The following KHDRBS2 variants were observed in gnomAD, a reference collection of about 807,000 sequenced individuals.
KHDRBS2 encodes the protein KH domain-containing, RNA-binding, signal transduction-associated protein 2.
KHDRBS2 carries 26 observed loss-of-function variants against 44.3 expected under a neutral mutation model. That is an observed-to-expected ratio of 0.59 (90% CI 0.43 to 0.81). The LOEUF (loss-of-function observed/expected upper bound fraction) is 0.81. Ranked by LOEUF, KHDRBS2 falls within the 40% of genes least tolerant of loss-of-function variation. The pLI is 0.00. For synonymous variants in KHDRBS2, 194 were observed against 151.1 expected (o/e 1.28, Z -2.08); for missense variants, 476 against 433.1 (o/e 1.10, Z -0.88).
At chr6:61,963,480 G>A (rs1769215837) in intron 4 of KHDRBS2, among the ~76,000 whole-genome samples, 1 of 152,044 alleles carries the variant, frequency 6.6e-6, no homozygotes. Flanking sequence ...GATTGAAAAA[G>A]TTTAGCTTCT....
chr6:61,809,774 G>A (rs1787806583), intron 6 of KHDRBS2, among the ~76,000 whole-genome samples: 1 of 152,026 alleles, frequency 6.6e-6, no homozygotes, highest in South Asian at 2.1e-4. Context: ...ATAACTTCAA[G>A]GCTATGAATA....
intron 2 of KHDRBS2, among the ~76,000 whole-genome samples, chr6:62,131,752 T>A (rs950660962): frequency 6.6e-6 from 1 of 152,138 alleles, no homozygotes; most frequent in Non-Finnish European, 1.5e-5. Context: ...CAGTCTCCCA[T>A]AGCAGAAAAC....
intron 4 of KHDRBS2, among the ~76,000 whole-genome samples, chr6:61,952,775 T>C (rs925214760): frequency 6.6e-6 from 1 of 152,100 alleles, no homozygotes; most frequent in African/African-American, 2.4e-5. Flanking sequence ...AATGTTGCCA[T>C]GACTTGCAAC....
the KHDRBS2 span, among the ~76,000 whole-genome samples, chr6:61,634,090 G>C: frequency 2.0e-5 from 3 of 151,740 alleles, no homozygotes; most frequent in Non-Finnish European, 4.4e-5. Context: ...GTCAGAGTTG[G>C]GACTAAAATT....
At chr6:61,805,728 T>A (rs144060669) in intron 6 of KHDRBS2, among the ~76,000 whole-genome samples, 24 of 152,154 alleles carry the variant, frequency 1.6e-4, no homozygotes, top group Admixed American at 1.2e-3. Flanking sequence ...TATAAAACCA[T>A]CAGATCTCAA....
intron 6 of KHDRBS2, among the ~76,000 whole-genome samples, chr6:61,782,996 C>T (rs540378752): frequency 4.6e-5 from 7 of 151,756 alleles, no homozygotes; most frequent in African/African-American, 1.2e-4. Context: ...TTACATGGCC[C>T]GGTCCATAGT....
At chr6:61,650,369 TTGTC>T in the KHDRBS2 span, among the ~76,000 whole-genome samples, 26 of 151,612 alleles carry the variant, frequency 1.7e-4, 1 homozygote, top group Admixed American at 1.5e-3. Context: ...AGCAGATTCT[TTGTC>T]TGTCATGCCT....
the KHDRBS2 span, among the ~76,000 whole-genome samples, chr6:61,613,374 C>G: frequency 6.6e-6 from 1 of 152,044 alleles, no homozygotes; most frequent in Non-Finnish European, 1.5e-5. Context: ...CATTTTTTGT[C>G]AAATCTTGAT....
intron 6 of KHDRBS2, among the ~76,000 whole-genome samples, chr6:61,884,978 T>A (rs1197740907): frequency 6.6e-6 from 1 of 152,094 alleles, no homozygotes; most frequent in Admixed American, 6.6e-5. Context: ...ATTTAAAAAA[T>A]TATGTATCCA....
intron 2 of KHDRBS2, among the ~76,000 whole-genome samples, chr6:62,068,636 A>G (rs1794298819): frequency 6.6e-6 from 1 of 151,634 alleles, no homozygotes; most frequent in African/African-American, 2.4e-5. Flanking sequence ...TAACTCATAT[A>G]TTAAGATCTA....
At chr6:61,808,458 G>A (rs574678230) in intron 6 of KHDRBS2, among the ~76,000 whole-genome samples, 2 of 152,180 alleles carry the variant, frequency 1.3e-5, no homozygotes, top group South Asian at 2.1e-4. Flanking sequence ...CTAGAAGTCA[G>A]TGTAATTACA....
the KHDRBS2 span, among the ~76,000 whole-genome samples, chr6:61,671,364 A>T: frequency 2.0e-5 from 3 of 151,470 alleles, no homozygotes; most frequent in Non-Finnish European, 4.4e-5. Context: ...TTCATTCTGT[A>T]TTTTTTTGTG....
the KHDRBS2 span, among the ~76,000 whole-genome samples, chr6:61,601,145 C>T: frequency 4.6e-5 from 7 of 152,088 alleles, no homozygotes. Flanking sequence ...ACATTGCAGC[C>T]CAGGGCTGCT....
At chr6:61,709,927 C>A (rs189962108) in intron 7 of KHDRBS2, among the ~76,000 whole-genome samples, 1 of 151,626 alleles carries the variant, frequency 6.6e-6, no homozygotes, top group Non-Finnish European at 1.5e-5. Flanking sequence ...TACTTCAATA[C>A]TTTAATCTAG....
intron 4 of KHDRBS2, among the ~76,000 whole-genome samples, chr6:61,913,724 T>C (rs1298439385): frequency 6.6e-6 from 1 of 151,940 alleles, no homozygotes; most frequent in Non-Finnish European, 1.5e-5. Context: ...CTGGTTTAGA[T>C]GGGAAGTCAG....
intron 6 of KHDRBS2, among the ~76,000 whole-genome samples, chr6:61,821,661 A>G (rs1478028964): frequency 2.0e-5 from 3 of 151,778 alleles, no homozygotes; most frequent in African/African-American, 7.3e-5. Context: ...AGTGTTGGAG[A>G]CTCATTTTAC....
At chr6:61,662,089 T>C in the KHDRBS2 span, among the ~76,000 whole-genome samples, 4 of 151,908 alleles carry the variant, frequency 2.6e-5, no homozygotes, top group Admixed American at 2.0e-4. Context: ...TCAGAAATAA[T>C]GCTGCATATC....
At chr6:62,218,573 A>T (rs2150150537) in intron 1 of KHDRBS2, among the ~76,000 whole-genome samples, 1 of 152,028 alleles carries the variant, frequency 6.6e-6, no homozygotes, top group East Asian at 1.9e-4. Flanking sequence ...AATTGGTAAC[A>T]TTTAAAGAGG....
chr6:61,677,295 GAAT>G, downstream of KHDRBS2, among the ~76,000 whole-genome samples: 1 of 151,980 alleles, frequency 6.6e-6, no homozygotes, highest in East Asian at 2.0e-4. Context: ...GGATAAAAGA[GAAT>G]AATGAGTAGG....
Sources: gnomAD v4.1 joint callset for allele counts (sites outside exome capture counted in the v4.1 genomes callset) on GRCh38, gnomAD v4.1.1 for gene constraint, MANE v1.5 for transcripts, NCBI Gene and HGNC (gene_info 2026-07-23, HGNC 2026-07-21) for gene names.